The following MACROD2 variants were observed in gnomAD, a reference collection of about 807,000 sequenced individuals.
MACROD2 encodes the protein mono-ADP ribosylhydrolase 2.
Under a neutral mutation model 70.4 loss-of-function variants are expected in MACROD2, and 36 were observed. The observed-to-expected ratio is 0.51, with a 90% CI of 0.39 to 0.68. MACROD2 has a LOEUF of 0.68. Ranked by LOEUF, MACROD2 falls within the 30% of genes least tolerant of loss-of-function variation. The pLI, the probability that MACROD2 is intolerant of heterozygous loss-of-function variation, is 0.00. For synonymous variants in MACROD2, 172 were observed against 178.8 expected (o/e 0.96, Z 0.30); for missense variants, 496 against 538.4 (o/e 0.92, Z 0.78).
At chr20:14,441,443 G>A (rs2084122126) in intron 3 of MACROD2, among the ~76,000 whole-genome samples, 1 of 152,102 alleles carries the variant, frequency 6.6e-6, no homozygotes, top group Admixed American at 6.6e-5. Context: ...TACATTTTGT[G>A]GTAGTTTGTT....
intron 5 of MACROD2, chr20:14,929,636 G>A (rs1272839900): frequency 6.6e-6 from 1 of 152,084 alleles, no homozygotes; most frequent in Non-Finnish European, 1.5e-5. Flanking sequence ...CCTGGAGGAG[G>A]GAGAGTGGAG....
intron 3 of MACROD2, among the ~76,000 whole-genome samples, chr20:14,180,969 T>C (rs1182951952): frequency 6.6e-6 from 1 of 152,162 alleles, no homozygotes; most frequent in Non-Finnish European, 1.5e-5. Context: ...ATGTATTCAC[T>C]ATCTGAAAAT....
intron 3 of MACROD2, among the ~76,000 whole-genome samples, chr20:14,310,223 G>A (rs75967443): frequency 0.015 from 2,300 of 152,114 alleles, 24 homozygotes; most frequent in African/African-American, 0.027. Context: ...TTTTTAGCCC[G>A]TTAACAATGA....
intron 5 of MACROD2, among the ~76,000 whole-genome samples, chr20:14,718,283 A>T (rs1347791277): frequency 1.8e-5 from 2 of 108,980 alleles, no homozygotes; most frequent in South Asian, 3.9e-4. Flanking sequence ...ACAGAGAGAG[A>T]CTCTGTCTCA....
At chr20:15,008,883 A>AT (rs957596196) in intron 5 of MACROD2, among the ~76,000 whole-genome samples, 6 of 152,146 alleles carry the variant, frequency 3.9e-5, no homozygotes, top group Admixed American at 3.9e-4. Context: ...GGTTGGATGG[A>AT]TTTTTTTCCT....
At chr20:14,831,342 T>C (rs754455395) in intron 5 of MACROD2, among the ~76,000 whole-genome samples, 3 of 152,122 alleles carry the variant, frequency 2.0e-5, no homozygotes, top group Non-Finnish European at 4.4e-5. Flanking sequence ...CGTGACTGTT[T>C]AGAGGCATAA....
chr20:15,533,564 TCTC>T (rs2047834449), intron 8 of MACROD2, among the ~76,000 whole-genome samples: 4 of 152,036 alleles, frequency 2.6e-5, no homozygotes, highest in African/African-American at 9.6e-5. Context: ...TCTCTCTCTC[TCTC>T]TCTCTCTCTC....
chr20:14,198,896 C>T (rs923289073), intron 3 of MACROD2, among the ~76,000 whole-genome samples: 3 of 152,112 alleles, frequency 2.0e-5, no homozygotes, highest in Non-Finnish European at 4.4e-5. Flanking sequence ...GCTTTTATTT[C>T]GACATCTTAA....
At chr20:14,497,113 A>G (rs2084862062) in intron 4 of MACROD2, among the ~76,000 whole-genome samples, 1 of 151,880 alleles carries the variant, frequency 6.6e-6, no homozygotes, top group Non-Finnish European at 1.5e-5. Context: ...TACACCAGGA[A>G]AAATAAGTGA....
At chr20:14,835,679 A>G (rs1195520517) in intron 5 of MACROD2, among the ~76,000 whole-genome samples, 1 of 152,084 alleles carries the variant, frequency 6.6e-6, no homozygotes. Flanking sequence ...ATACTGGACC[A>G]GAGCAATTTC....
chr20:14,371,236 G>C (rs1381011946), intron 3 of MACROD2, among the ~76,000 whole-genome samples: 2 of 152,132 alleles, frequency 1.3e-5, no homozygotes, highest in East Asian at 3.9e-4. Context: ...TGTGATACCA[G>C]CTCTTTGGTA....
chr20:14,690,142 C>T lies in MACROD2; in HGVS notation c.418+5183C>T, dbSNP rs564903129. Among the ~76,000 whole-genome samples, 5 of 152,082 alleles carry T rather than the reference C, an allele frequency of 3.3e-5. No homozygotes were observed. In the East Asian group the frequency reaches 5.8e-4, roughly 18 times the overall value. On this transcript the variant is annotated intron_variant, in intron 5 of 17. Coordinates refer to ENST00000684519, the MANE Select transcript of MACROD2 (RefSeq NM_001351661.2). ...ATTTGATGGTTTTCAGCATAGCTCA[C>T]ATGTCTATTTTATTTCTTTAGAATG...
Position 14,785,215 on chromosome 20 carries a change from A to G in MACROD2, c.418+100256A>G, listed in dbSNP as rs1017722869. Among the ~76,000 whole-genome samples, 5 of 151,854 alleles carry G rather than the reference A, an allele frequency of 3.3e-5. No individual in the cohort carries two copies. In the South Asian group the frequency reaches 6.2e-4, roughly 19 times the overall value. On this transcript the variant is annotated intron_variant, in intron 5 of 17. Coordinates refer to ENST00000684519, the MANE Select transcript of MACROD2 (RefSeq NM_001351661.2). Reference sequence around the variant, plus strand: ...CACACACACGCATGCACACAACTCTAAGAGCAATCATTTTAGGAGTCTGGG... The same window carrying G: ...CACACACACGCATGCACACAACTCTGAGAGCAATCATTTTAGGAGTCTGGG...
Position 15,922,697 on chromosome 20 carries a change from C to T in MACROD2, c.776-10579C>T, listed in dbSNP as rs1011102084. Among the ~76,000 whole-genome samples, 7 of 152,218 alleles carry T rather than the reference C, an allele frequency of 4.6e-5. No homozygotes were observed. The South Asian group carries it at 6.2e-4, about 13-fold the overall frequency. On this transcript the variant is annotated intron_variant, in intron 10 of 17. Transcript: ENST00000684519. ...GGAATTAGGTGCTTAAGAGCACCTG[C>T]TGCCCTCCCTGCTTCCTCCAGCACA...
At chr20:15,882,477 A>G (rs1347484667) in intron 9 of MACROD2, among the ~76,000 whole-genome samples, 1 of 152,070 alleles carries the variant, frequency 6.6e-6, no homozygotes. Flanking sequence ...CTTTTCTGCA[A>G]TAGATAATGA....
chr20:15,976,372 A>G (rs879467099), intron 13 of MACROD2, among the ~76,000 whole-genome samples: 3 of 152,214 alleles, frequency 2.0e-5, no homozygotes, highest in Admixed American at 6.5e-5. Context: ...GATTGAGTTC[A>G]CTGTATGAAA....
chr20:14,365,369 CAT>C (rs2083262302), intron 3 of MACROD2, among the ~76,000 whole-genome samples: 1 of 150,964 alleles, frequency 6.6e-6, no homozygotes, highest in Admixed American at 6.6e-5. Context: ...TCATAAATAA[CAT>C]ACTTATATTG....
intron 6 of MACROD2, among the ~76,000 whole-genome samples, chr20:15,263,962 A>G (rs2077270970): frequency 2.6e-5 from 4 of 152,120 alleles, no homozygotes; most frequent in South Asian, 4.1e-4. Context: ...CAAATATAAG[A>G]TAATATTACC....
intron 5 of MACROD2, among the ~76,000 whole-genome samples, chr20:14,843,163 C>CTTTTTT (rs11389584): frequency 4.2e-5 from 5 of 119,264 alleles, no homozygotes; most frequent in Admixed American, 1.8e-4. Flanking sequence ...TGTTCATTAA[C>CTTTTTT]TTTTTTTTTT....
Sources: gnomAD v4.1 joint callset for allele counts (sites outside exome capture counted in the v4.1 genomes callset) on GRCh38, gnomAD v4.1.1 for gene constraint, MANE v1.5 for transcripts, NCBI Gene and HGNC (gene_info 2026-07-23, HGNC 2026-07-21) for gene names.